The following ABCA9 variants were observed in gnomAD, a reference collection of about 807,000 sequenced individuals.
The protein encoded by ABCA9 is ATP-binding cassette sub-family A member 9.
A neutral mutation model predicts 205.3 loss-of-function variants in ABCA9; 183 were observed. The observed-to-expected ratio is 0.89, with a 90% confidence interval of 0.79 to 1.01. ABCA9 has a LOEUF of 1.01. ABCA9 is among the 50% of genes least tolerant of loss of function. The pLI, the probability that ABCA9 is intolerant of heterozygous loss-of-function variation, is 0.00. For synonymous variants in ABCA9, 651 were observed against 683.3 expected (o/e 0.95, Z 0.74); for missense variants, 1,805 against 1,912.4 (o/e 0.94, Z 1.05).
intron 37 of ABCA9, among the ~76,000 whole-genome samples, chr17:68,982,000 T>C (rs1221107870): frequency 1.3e-5 from 2 of 152,070 alleles, no homozygotes; most frequent in African/African-American, 2.4e-5. Context: ...CCTGATACAT[T>C]GATGCAGTAT....
At chr17:69,021,387 C>G (rs2070802869) in intron 18 of ABCA9, among the ~76,000 whole-genome samples, 1 of 152,022 alleles carries the variant, frequency 6.6e-6, no homozygotes, top group Non-Finnish European at 1.5e-5. Context: ...AACTAAATCC[C>G]AGATACATTG....
chr17:69,051,461 C>T (rs2071899569), intron 1 of ABCA9: 1 of 263,044 alleles, frequency 3.8e-6, no homozygotes, highest in African/African-American at 2.2e-5. Flanking sequence ...GAACTTTCCG[C>T]CTTGTTGTTG....
At chr17:69,007,928 A>ATATT in intron 24 of ABCA9, 56 bp from the exon 25 acceptor site, 3 of 1,430,380 alleles carry the variant, frequency 2.1e-6, no homozygotes, top group Non-Finnish European at 2.9e-6. Flanking sequence ...AAGAGTACTC[A>ATATT]TATTTACTCT....
intron 1 of ABCA9, among the ~76,000 whole-genome samples, chr17:69,057,070 C>T (rs2072090584): frequency 6.6e-6 from 1 of 152,156 alleles, no homozygotes; most frequent in South Asian, 2.1e-4. Context: ...AAACTTTATT[C>T]TTGCAAAGTA....
chr17:69,077,531 G>A, the ABCA9 span, among the ~76,000 whole-genome samples: 1 of 152,186 alleles, frequency 6.6e-6, no homozygotes, highest in South Asian at 2.1e-4. Context: ...AATTGGTCAA[G>A]TGTCAAATTG....
the ABCA9 span, among the ~76,000 whole-genome samples, chr17:69,074,726 G>T: frequency 6.6e-6 from 1 of 150,476 alleles, no homozygotes; most frequent in South Asian, 2.1e-4. Flanking sequence ...ATGAGGTCAT[G>T]TTTTTTTGGA....
chr17:69,032,904 A>G (rs1357067511), intron 9 of ABCA9: 1 of 152,108 alleles, frequency 6.6e-6, no homozygotes, highest in Non-Finnish European at 1.5e-5. Context: ...CCTTCCCTTC[A>G]TTTCCCAATT....
At chr17:69,015,719 T>C (rs1008721716) in intron 22 of ABCA9, among the ~76,000 whole-genome samples, 4 of 152,160 alleles carry the variant, frequency 2.6e-5, no homozygotes, top group Non-Finnish European at 5.9e-5. Context: ...CATTTACTTC[T>C]TAAGAAACTT....
rs1298293981 is a variant in ABCA9 at position 68,986,334 on chromosome 17, A to G, written c.4048-10T>C. ...TCCCTTTCAAAATCACCTATGCAAA[A>G]TAAGTTCATTCTTAGATTCTATCCC... On this transcript the variant is annotated splice_polypyrimidine_tract_variant and intron_variant, in intron 31 of 38. Coordinates refer to ENST00000340001, the MANE Select transcript of ABCA9 (RefSeq NM_080283.4). The G allele has an allele frequency of 3.1e-5, 49 of 1,599,654 alleles. No homozygotes were observed. Among genetic ancestry groups the G allele is most frequent in the Non-Finnish European group, 4.0e-5 (47 of 1,173,324 alleles).
intron 13 of ABCA9, 88 bp downstream of exon 13, chr17:69,027,552 A>G: frequency 6.4e-7 from 1 of 1,554,874 alleles, no homozygotes; most frequent in Non-Finnish European, 8.7e-7. Flanking sequence ...TGAAATTTAG[A>G]TGAGGAATTA....
chr17:69,004,380 G>T (rs2070027821), intron 25 of ABCA9, among the ~76,000 whole-genome samples: 1 of 152,152 alleles, frequency 6.6e-6, no homozygotes, highest in South Asian at 2.1e-4. Context: ...ACCCTGCAGT[G>T]TGAGGTGTCA....
In ABCA9 at chr17:68,983,947, T is replaced by A. The variant is rs922959034; in HGVS notation, c.4500-98A>T. ...AGGCCAGAGTAAGGCCACATAGAGT[T>A]GGAAGCAACCATGCTAGCTCCTCAC... On this transcript the variant is annotated intron_variant, in intron 35 of 38. Coordinates refer to ENST00000340001, the MANE Select transcript of ABCA9 (RefSeq NM_080283.4). 3 of 1,601,804 alleles carry A rather than the reference T, an allele frequency of 1.9e-6. No homozygotes were observed. In the African/African-American group the frequency reaches 4.0e-5, roughly 21 times the overall value.
At chr17:69,069,005 C>T in the ABCA9 span, among the ~76,000 whole-genome samples, 1 of 151,980 alleles carries the variant, frequency 6.6e-6, no homozygotes, top group African/African-American at 2.4e-5. Context: ...GCCACTAGCC[C>T]CATGTGAGTA....
intron 15 of ABCA9, among the ~76,000 whole-genome samples, chr17:69,026,669 G>A (rs116521059): frequency 0.01 from 1,531 of 152,210 alleles, 29 homozygotes; most frequent in African/African-American, 0.034. Context: ...ATTCTTTAGC[G>A]TATTGAGAAA....
In ABCA9 at chr17:69,027,899, T is replaced by TCCATTTTAATCTAAA. The variant is rs2071045261; in HGVS notation, c.1616-85_1616-84insTTTAGATTAAAATGG. 3 of 1,066,674 alleles carry TCCATTTTAATCTAAA rather than the reference T, an allele frequency of 2.8e-6. No individual in the cohort carries two copies. The East Asian group carries it at 7.3e-5, about 26-fold the overall frequency. The allele number at this position is 1,066,674 out of a possible 1,614,324, so 66.1% of individuals were successfully genotyped here. A position where few individuals can be genotyped will look rare whatever the true frequency, so the allele number is the denominator to read the frequency against. On this transcript the variant is annotated intron_variant, in intron 12 of 38. Transcript: ENST00000340001. ...CTTTTAAAATGGAAAACACTGTATG[T>TCCATTTTAATCTAAA]CAATTATTAGATTCATTTCAACATT...
chr17:69,040,721 T>C (rs1803247277), intron 6 of ABCA9, among the ~76,000 whole-genome samples: 1 of 151,536 alleles, frequency 6.6e-6, no homozygotes, highest in South Asian at 2.1e-4. Flanking sequence ...TAAAGTATGA[T>C]AAAAAATGTA....
At chr17:69,030,654 T>G (rs1046492709) in intron 10 of ABCA9, among the ~76,000 whole-genome samples, 2 of 152,204 alleles carry the variant, frequency 1.3e-5, no homozygotes, top group African/African-American at 4.8e-5. Context: ...CTTCGTAGCC[T>G]TGGGCAAGTT....
chr17:69,027,127 A>C lies in ABCA9; in HGVS notation c.1912-13T>G. 6.2e-7 allele frequency: 1 copy of C among 1,612,054 alleles called. No individual in the cohort carries two copies. The highest frequency in any genetic ancestry group is 8.5e-7 in the Non-Finnish European group (1 of 1,179,474). On this transcript the variant is annotated splice_polypyrimidine_tract_variant and intron_variant, in intron 14 of 38. Coordinates refer to ENST00000340001, the MANE Select transcript of ABCA9 (RefSeq NM_080283.4). ...CCAATAGCAAAACCTGGACAGGAGGAAAGTCCTAAAGTAATTCCACCCTTT... is the reference window on the plus strand; with the variant it reads ...CCAATAGCAAAACCTGGACAGGAGGCAAGTCCTAAAGTAATTCCACCCTTT...
intron 15 of ABCA9, 22 bp downstream of exon 15, chr17:69,026,954 C>T: frequency 1.2e-6 from 2 of 1,612,760 alleles, no homozygotes; most frequent in Non-Finnish European, 1.7e-6. Flanking sequence ...CATGAAGATA[C>T]ATAAGAGAAA....
Sources: allele counts gnomAD v4.1 joint callset (sites outside exome capture counted in the v4.1 genomes callset), GRCh38; gene constraint gnomAD v4.1.1; transcripts MANE v1.5; gene names NCBI Gene and HGNC (gene_info 2026-07-23, HGNC 2026-07-21).